RXFP1: variants seen among roughly 807,000 people sequenced by gnomAD.
The protein encoded by RXFP1 is relaxin family peptide receptor 1, also known as relaxin receptor 1.
In RXFP1, 73 loss-of-function variants were observed where a neutral mutation model predicts 89.8. The observed-to-expected ratio is 0.81, with a 90% confidence interval of 0.67 to 0.99. The LOEUF (loss-of-function observed/expected upper bound fraction) is 0.99. RXFP1 is among the 50% of genes least tolerant of loss of function. The pLI is 0.00. For synonymous variants in RXFP1, 277 were observed against 305.5 expected (o/e 0.91, Z 0.97); for missense variants, 793 against 895.5 (o/e 0.89, Z 1.46).
intron 1 of RXFP1, among the ~76,000 whole-genome samples, chr4:158,565,940 C>T (rs1394062300): frequency 6.6e-6 from 1 of 152,148 alleles, no homozygotes; most frequent in African/African-American, 2.4e-5. Context: ...AGATGCATAA[C>T]CTGAATCTAA....
chr4:158,529,009 TG>T (rs1743302373), intron 1 of RXFP1, among the ~76,000 whole-genome samples: 1 of 152,200 alleles, frequency 6.6e-6, no homozygotes, highest in South Asian at 2.1e-4. Context: ...CTAACCTTAC[TG>T]TTTTCTTCCC....
At chr4:158,546,129 G>A (rs2149857296) in intron 1 of RXFP1, among the ~76,000 whole-genome samples, 1 of 152,078 alleles carries the variant, frequency 6.6e-6, no homozygotes, top group South Asian at 2.1e-4. Context: ...ATTTCATTGA[G>A]CAGTGGTTTG....
intron 2 of RXFP1, among the ~76,000 whole-genome samples, chr4:158,585,952 T>C (rs1170374322): frequency 1.3e-5 from 2 of 152,214 alleles, no homozygotes; most frequent in East Asian, 1.9e-4. Context: ...TCACAGGATT[T>C]TTCTGTGACT....
At chr4:158,578,649 A>C (rs1024717995) in intron 2 of RXFP1, among the ~76,000 whole-genome samples, 1 of 152,166 alleles carries the variant, frequency 6.6e-6, no homozygotes, top group Non-Finnish European at 1.5e-5. Context: ...TTATAAACAG[A>C]AGGCTGTGCT....
chr4:158,524,509 T>A (rs1741990495), intron 1 of RXFP1, among the ~76,000 whole-genome samples: 1 of 152,120 alleles, frequency 6.6e-6, no homozygotes, highest in Non-Finnish European at 1.5e-5. Flanking sequence ...AAAATTGAGG[T>A]CCACACAAAC....
intron 1 of RXFP1, among the ~76,000 whole-genome samples, chr4:158,568,518 A>G (rs1166841844): frequency 6.6e-6 from 1 of 152,246 alleles, no homozygotes; most frequent in Non-Finnish European, 1.5e-5. Flanking sequence ...AAAAATTAAT[A>G]AAGATATAAA....
At chr4:158,558,340 T>A (rs1751752458) in intron 1 of RXFP1, among the ~76,000 whole-genome samples, 1 of 152,186 alleles carries the variant, frequency 6.6e-6, no homozygotes, top group African/African-American at 2.4e-5. Flanking sequence ...TTAAACTTCA[T>A]ATCAGCAAAT....
chr4:158,596,543 A>T (rs1322572818), intron 3 of RXFP1, among the ~76,000 whole-genome samples: 1 of 152,176 alleles, frequency 6.6e-6, no homozygotes, highest in Non-Finnish European at 1.5e-5. Flanking sequence ...TACAGGCATG[A>T]GCCACTGCGC....
intron 1 of RXFP1, among the ~76,000 whole-genome samples, chr4:158,525,332 G>A (rs115030983): frequency 0.015 from 2,216 of 151,942 alleles, 47 homozygotes; most frequent in African/African-American, 0.049. Context: ...GGTAACATGC[G>A]TGGTACCAAT....
intron 12 of RXFP1, among the ~76,000 whole-genome samples, chr4:158,637,803 A>G (rs528889819): frequency 6.6e-6 from 1 of 152,314 alleles, no homozygotes; most frequent in African/African-American, 2.4e-5. Context: ...CAAAAAAATC[A>G]TCACCCAGGT....
intron 1 of RXFP1, among the ~76,000 whole-genome samples, chr4:158,540,193 A>G (rs1746265723): frequency 6.6e-6 from 1 of 152,162 alleles, no homozygotes; most frequent in Non-Finnish European, 1.5e-5. Flanking sequence ...AAAGGAAGAA[A>G]GAATGGCTAC....
chr4:158,546,957 G>A (rs1017246090), intron 1 of RXFP1, among the ~76,000 whole-genome samples: 6 of 152,028 alleles, frequency 3.9e-5, no homozygotes, highest in Admixed American at 6.5e-5. Context: ...GATGATGCTG[G>A]CCTCATAAAA....
At chr4:158,556,393 G>A (rs1312278152) in intron 1 of RXFP1, among the ~76,000 whole-genome samples, 2 of 152,208 alleles carry the variant, frequency 1.3e-5, no homozygotes, top group East Asian at 3.9e-4. Context: ...AGTTAGAATG[G>A]CTATTATCAA....
At chr4:158,588,467 C>T (rs963070326) in intron 2 of RXFP1, among the ~76,000 whole-genome samples, 1 of 152,206 alleles carries the variant, frequency 6.6e-6, no homozygotes, top group Non-Finnish European at 1.5e-5. Context: ...TCCATCATGG[C>T]TGCGACTGAC....
At chr4:158,644,795 A>G in intron 14 of RXFP1, 114 bp from the exon 15 acceptor site, 1 of 717,862 alleles carries the variant, frequency 1.4e-6, no homozygotes, top group South Asian at 1.9e-5. Context: ...TAGTCCTCTC[A>G]ATTTCATCTT....
At chr4:158,598,403 G>A (rs981519909) in intron 3 of RXFP1, among the ~76,000 whole-genome samples, 12 of 152,092 alleles carry the variant, frequency 7.9e-5, no homozygotes, top group East Asian at 1.9e-4. Flanking sequence ...TTGCCTGACC[G>A]CTGGAGACAC....
intron 9 of RXFP1, among the ~76,000 whole-genome samples, chr4:158,622,911 G>A (rs942424413): frequency 6.6e-6 from 1 of 152,150 alleles, no homozygotes; most frequent in African/African-American, 2.4e-5. Flanking sequence ...AATTTGCTTG[G>A]TTGTAGTAAT....
At chr4:158,575,324 G>A (rs1044892886) in intron 2 of RXFP1, among the ~76,000 whole-genome samples, 2 of 151,924 alleles carry the variant, frequency 1.3e-5, no homozygotes, top group African/African-American at 4.8e-5. Flanking sequence ...ATAAAGGGAG[G>A]CAAAAAATGG....
At position 158,552,267 on chromosome 4, in the gene RXFP1, T is replaced by C. The variant is rs369644907; in HGVS notation, c.50-20431T>C. Among the ~76,000 whole-genome samples, 102 of 152,330 alleles carry C rather than the reference T, an allele frequency of 6.7e-4. 2 individuals carry two copies. The South Asian group carries it at 0.02, about 30-fold the overall frequency. On this transcript the variant is annotated intron_variant, in intron 1 of 17. Coordinates refer to ENST00000307765, the MANE Select transcript of RXFP1 (RefSeq NM_021634.4). ...AGTAAGTAGGAATAAAATGTGATAG[T>C]TGGATAGTCAAGAAAAGAGTTTTGT...
Sources: gnomAD v4.1 joint callset for allele counts (sites outside exome capture counted in the v4.1 genomes callset) on GRCh38, gnomAD v4.1.1 for gene constraint, MANE v1.5 for transcripts, NCBI Gene and HGNC (gene_info 2026-07-23, HGNC 2026-07-21) for gene names.